Variants in TENM2 observed in about 807,000 individuals in gnomAD.
TENM2 encodes the protein teneurin transmembrane protein 2.
In TENM2, 52 loss-of-function variants were observed where a neutral mutation model predicts 245.2. That is an observed-to-expected ratio of 0.21 (90% CI 0.17 to 0.27). The LOEUF (loss-of-function observed/expected upper bound fraction) is 0.27. Among genes scored for constraint, TENM2 ranks in the 10% least tolerant of loss-of-function variants. The pLI is 1.00. For missense variants in TENM2, 3,046 were observed against 3,666.8 expected, an observed-to-expected ratio of 0.83 and a Z score of 4.37; for synonymous variants, 1,363 against 1,438.9, an observed-to-expected ratio of 0.95 and a Z score of 1.19.
intron 5 of TENM2, chr5:168,032,954 A>G (rs1787270357): frequency 6.6e-6 from 1 of 152,218 alleles, no homozygotes; most frequent in Non-Finnish European, 1.5e-5. Flanking sequence ...CTGTATTACA[A>G]TAGTTATGTT....
chr5:168,034,362 AG>A (rs1431746848), intron 5 of TENM2, among the ~76,000 whole-genome samples: 22 of 146,638 alleles, frequency 1.5e-4, no homozygotes, highest in Non-Finnish European at 2.1e-4. Context: ...AAAAAATTGG[AG>A]GGGGAACAGG....
chr5:167,200,374 A>G, the TENM2 span, among the ~76,000 whole-genome samples: 3 of 152,014 alleles, frequency 2.0e-5, no homozygotes, highest in African/African-American at 4.8e-5. Context: ...TATTTGTGTC[A>G]TCATTTTACT....
chr5:167,798,161 A>T (rs1173992230), intron 2 of TENM2, among the ~76,000 whole-genome samples: 1 of 152,212 alleles, frequency 6.6e-6, no homozygotes, highest in East Asian at 1.9e-4. Flanking sequence ...AAGAGCTGGG[A>T]TTCACGTCCA....
intron 16 of TENM2, among the ~76,000 whole-genome samples, chr5:168,199,627 ACAGT>A (rs1347737527): frequency 1.3e-5 from 2 of 152,370 alleles, no homozygotes; most frequent in Non-Finnish European, 2.9e-5. Flanking sequence ...AAGAAACACA[ACAGT>A]GACCAAGAAT....
At chr5:167,023,906 C>T in the TENM2 span, among the ~76,000 whole-genome samples, 1 of 152,132 alleles carries the variant, frequency 6.6e-6, no homozygotes, top group Non-Finnish European at 1.5e-5. Flanking sequence ...CAACACTTTA[C>T]TTATAAAAGC....
At chr5:167,618,825 A>G (rs1273172548) in intron 2 of TENM2, among the ~76,000 whole-genome samples, 1 of 152,036 alleles carries the variant, frequency 6.6e-6, no homozygotes, top group Non-Finnish European at 1.5e-5. Context: ...TACCTGTATA[A>G]ATGTGTCTTA....
At chr5:168,239,286 TTTAA>T (rs1380368451) in intron 25 of TENM2, among the ~76,000 whole-genome samples, 1 of 152,176 alleles carries the variant, frequency 6.6e-6, no homozygotes, top group African/African-American at 2.4e-5. Flanking sequence ...ATTTTTCAGA[TTTAA>T]TTATTAGAAG....
chr5:167,006,897 C>T, the TENM2 span, among the ~76,000 whole-genome samples: 14 of 152,104 alleles, frequency 9.2e-5, no homozygotes, highest in Admixed American at 6.5e-4. Context: ...GAACTCCCGA[C>T]CTCAGGTGAT....
intron 21 of TENM2, among the ~76,000 whole-genome samples, chr5:168,215,896 C>G (rs1033801974): frequency 2.6e-5 from 4 of 152,178 alleles, no homozygotes; most frequent in African/African-American, 9.7e-5. Flanking sequence ...CCGTGGTAGA[C>G]AGCAAATGTG....
chr5:167,412,761 C>A (rs1762975139), intron 2 of TENM2, among the ~76,000 whole-genome samples: 1 of 151,984 alleles, frequency 6.6e-6, no homozygotes, highest in Non-Finnish European at 1.5e-5. Context: ...TTTGGCCCAG[C>A]CTTGCAGAAT....
At chr5:167,148,465 T>C in the TENM2 span, among the ~76,000 whole-genome samples, 4 of 152,206 alleles carry the variant, frequency 2.6e-5, no homozygotes, top group African/African-American at 9.6e-5. Flanking sequence ...ATATATTTCT[T>C]TATAAATGCC....
intron 2 of TENM2, among the ~76,000 whole-genome samples, chr5:167,541,416 ATT>A (rs1772204908): frequency 6.6e-6 from 1 of 152,160 alleles, no homozygotes; most frequent in Admixed American, 6.5e-5. Context: ...AAAAAAGAAA[ATT>A]TTAGAGGGTG....
chr5:168,204,400 C>T, exon 19 of TENM2: 2 of 1,613,930 alleles, frequency 1.2e-6, no homozygotes, highest in Non-Finnish European at 1.7e-6. Flanking sequence ...CTGGGGAAAA[C>T]CAGTTCCTGA....
intron 2 of TENM2, among the ~76,000 whole-genome samples, chr5:167,770,415 C>G (rs72832012): frequency 2.6e-5 from 4 of 151,970 alleles, no homozygotes; most frequent in Admixed American, 6.5e-5. Context: ...TCTGGAGAAG[C>G]GATAAGAACC....
intron 5 of TENM2, among the ~76,000 whole-genome samples, chr5:168,044,142 G>A (rs867549577): frequency 1.4e-4 from 22 of 152,290 alleles, no homozygotes; most frequent in East Asian, 1.4e-3. Flanking sequence ...ATGGTGGGGC[G>A]CGGTGGCTCA....
At chr5:167,599,904 G>T (rs551580046) in intron 2 of TENM2, among the ~76,000 whole-genome samples, 1 of 151,988 alleles carries the variant, frequency 6.6e-6, no homozygotes, top group South Asian at 2.1e-4. Context: ...CTCCCACTTT[G>T]GGAGATTAAG....
At chr5:168,015,527 G>T (rs1298400588) in intron 5 of TENM2, among the ~76,000 whole-genome samples, 3 of 152,224 alleles carry the variant, frequency 2.0e-5, no homozygotes, top group Non-Finnish European at 4.4e-5. Flanking sequence ...GAAAGAGAAA[G>T]AATGCCGCAA....
the TENM2 span, among the ~76,000 whole-genome samples, chr5:167,264,071 C>T: frequency 6.7e-6 from 1 of 149,626 alleles, no homozygotes; most frequent in African/African-American, 2.5e-5. Context: ...TGCCACTGCA[C>T]TCTAGCCTGG....
intron 1 of TENM2, among the ~76,000 whole-genome samples, chr5:167,353,017 G>A (rs1383897616): frequency 6.6e-6 from 1 of 152,022 alleles, no homozygotes; most frequent in Non-Finnish European, 1.5e-5. Flanking sequence ...ATCTCAAAGC[G>A]GCGCATAACG....
Sources: allele counts gnomAD v4.1 joint callset (sites outside exome capture counted in the v4.1 genomes callset), GRCh38; gene constraint gnomAD v4.1.1; transcripts MANE v1.5; gene names NCBI Gene and HGNC (gene_info 2026-07-23, HGNC 2026-07-21).